CYP2U1: variants seen among roughly 807,000 people sequenced by gnomAD.
CYP2U1 encodes the protein cytochrome P450 family 2 subfamily U member 1, also known as cytochrome P450 2U1.
In CYP2U1, 28 loss-of-function variants were observed where a neutral mutation model predicts 42.8. The observed-to-expected ratio is 0.65, with a 90% CI of 0.48 to 0.90. The LOEUF is 0.90. Ranked by LOEUF, CYP2U1 falls within the 40% of genes least tolerant of loss-of-function variation. CYP2U1 has a pLI of 0.00. For missense variants in CYP2U1, 642 were observed against 693.8 expected, an observed-to-expected ratio of 0.93 and a Z score of 0.84; for synonymous variants, 296 against 278.9, an observed-to-expected ratio of 1.06 and a Z score of -0.61.
chr4:107,947,981 T>C (rs1291147094), intron 3 of CYP2U1, among the ~76,000 whole-genome samples: 1 of 152,124 alleles, frequency 6.6e-6, no homozygotes, highest in East Asian at 1.9e-4. Flanking sequence ...ATGAAATAAT[T>C]AGAAGGCCGG....
At position 107,950,335 on chromosome 4, in the gene CYP2U1, C is replaced by A. The variant is rs1324490576; in HGVS notation, c.1547C>A (p.Pro516His). The A allele has an allele frequency of 6.2e-7, 1 of 1,613,930 alleles. No individual in the cohort carries two copies. The highest frequency in any genetic ancestry group is 2.2e-5 in the East Asian group (1 of 44,876). The change falls in exon 5 of 5, where the codon CCT becomes CAT. Residue 516 changes from proline (P) to histidine (H), a missense_variant. By Grantham distance (77) the Pro-to-His change is moderately conservative. Transcript: ENST00000332884. ...SLMQSFAFAL[P>H]EDSKKPLLTG... is the part of the protein sequence containing the mutation. The stretch of plus-strand genomic sequence containing the variant: ...ATGCAGAGTTTCGCATTTGCTTTAC[C>A]TGAGGATTCTAAGAAGCCCCTCCTG...
chr4:107,948,818 C>T (rs1417971512), intron 3 of CYP2U1, among the ~76,000 whole-genome samples: 1 of 152,074 alleles, frequency 6.6e-6, no homozygotes, highest in African/African-American at 2.4e-5. Context: ...CATTGGATCA[C>T]TTAACGGGTT....
At chr4:107,935,975 G>A (rs953543099) in intron 1 of CYP2U1, 1 of 152,220 alleles carries the variant, frequency 6.6e-6, no homozygotes, top group African/African-American at 2.4e-5. Flanking sequence ...AGAAGGGTAT[G>A]TTTCATAACG....
In CYP2U1 at chr4:107,949,517, G is replaced by A. The variant is rs1413431434; in HGVS notation, c.1456G>A (p.Gly486Arg). 6 of 1,539,496 alleles carry A rather than the reference G, an allele frequency of 3.9e-6. No individual in the cohort carries two copies. Among genetic ancestry groups the A allele is most frequent in the Non-Finnish European group, 4.4e-6 (5 of 1,140,682 alleles). Residue 486 changes from glycine (G) to arginine (R), a missense_variant and splice_region_variant, in exon 4 of 5, where the codon GGG (glycine) becomes AGG (arginine). Gly to Arg is a moderately radical substitution (Grantham distance 125). Coordinates refer to ENST00000332884, the MANE Select transcript of CYP2U1 (RefSeq NM_183075.3). ...KKETFIPFGI[G>R]KRVCMGEQLA... ...AGAAACCTTTATTCCTTTTGGGATA[G>A]GTCAGTTACACTTTTTTAAACTGCA... is the stretch of plus-strand genomic sequence containing the variant.
chr4:107,950,527 C>A lies in CYP2U1; in HGVS notation c.*104C>A. 1 of 1,249,582 alleles carries A rather than the reference C, an allele frequency of 8.0e-7. No homozygotes were observed. Among genetic ancestry groups the A allele is most frequent in the Non-Finnish European group, 1.1e-6 (1 of 931,086 alleles). 77.4% of individuals were successfully genotyped at this position (1,249,582 alleles called of 1,614,324 possible). ...CAGTGAATCCAGCAACTCAGTGGAT[C>A]CAAGCTGGGCTCAGAGGTCGGAAGG... On this transcript the variant is annotated 3_prime_UTR_variant, in exon 5 of 5. Coordinates refer to ENST00000332884, the MANE Select transcript of CYP2U1 (RefSeq NM_183075.3).
At position 107,931,659 on chromosome 4, in the gene CYP2U1, C is replaced by T; in HGVS notation, c.16C>T (p.Pro6Ser). Residue 6 changes from proline to serine, a missense_variant, in exon 1 of 5, where the codon CCG becomes TCG. Pro to Ser is a moderately conservative substitution (Grantham distance 74). Transcript: ENST00000332884. MSSPG[P>S]SQPPAEDPPW... ...CGCCCGGACCATGTCGTCTCCGGGG[C>T]CGTCGCAGCCGCCGGCCGAGGACCC... 1 of 1,259,234 alleles carries T rather than the reference C, an allele frequency of 7.9e-7. No homozygotes were observed. Among genetic ancestry groups the T allele is most frequent in the Non-Finnish European group, 9.9e-7 (1 of 1,006,316 alleles). The allele number at this position is 1,259,234 out of a possible 1,614,324, so 78.0% of individuals were successfully genotyped here.
At chr4:107,943,107 C>T (rs1733555815) in intron 1 of CYP2U1, among the ~76,000 whole-genome samples, 1 of 152,062 alleles carries the variant, frequency 6.6e-6, no homozygotes, top group South Asian at 2.1e-4. Flanking sequence ...CTGCTCTGAC[C>T]CACTGGTAAC....
chr4:107,946,808 T>C (rs1578730878), intron 2 of CYP2U1, among the ~76,000 whole-genome samples: 1 of 152,060 alleles, frequency 6.6e-6, no homozygotes, highest in East Asian at 1.9e-4. Context: ...CCAAGTTCCT[T>C]ACCACTGTGA....
At chr4:107,944,464 C>T (rs1019712952) in intron 1 of CYP2U1, among the ~76,000 whole-genome samples, 5 of 147,886 alleles carry the variant, frequency 3.4e-5, no homozygotes, top group Non-Finnish European at 6.0e-5. Context: ...CCACCACACC[C>T]GGCTAATTTT....
intron 1 of CYP2U1, chr4:107,937,233 T>G (rs1733303699): frequency 6.6e-6 from 1 of 152,124 alleles, no homozygotes; most frequent in Non-Finnish European, 1.5e-5. Context: ...GAAATGAAGA[T>G]AAACAGAAAA....
intron 1 of CYP2U1, 124 bp downstream of exon 1, chr4:107,932,257 C>G: frequency 7.0e-7 from 1 of 1,423,258 alleles, no homozygotes; most frequent in Non-Finnish European, 9.2e-7. Context: ...ACACCTGCAT[C>G]CTGAACTAAC....
At chr4:107,947,571 G>GA in intron 3 of CYP2U1, 34 bp downstream of exon 3, 1 of 1,610,364 alleles carries the variant, frequency 6.2e-7, no homozygotes, top group Non-Finnish European at 8.5e-7. Context: ...GAATGCCCTT[G>GA]ACGGAAGCAG....
intron 3 of CYP2U1, among the ~76,000 whole-genome samples, chr4:107,949,024 A>AT (rs1169032948): frequency 6.6e-6 from 1 of 152,062 alleles, no homozygotes; most frequent in Non-Finnish European, 1.5e-5. Flanking sequence ...GGGAATTTTA[A>AT]TTTTTAGGGA....
Position 107,949,410 on chromosome 4 carries a change from A to G in CYP2U1, c.1349A>G (p.His450Arg), listed in dbSNP as rs1733830825. The G allele has an allele frequency of 1.2e-6, 2 of 1,611,260 alleles. No homozygotes were observed. The highest frequency in any genetic ancestry group is 1.3e-5 in the African/African-American group (1 of 74,816). The change falls in exon 4 of 5, where the codon CAT becomes CGT. Residue 450 changes from histidine (H) to arginine (R), a missense_variant. Coordinates refer to ENST00000332884, the MANE Select transcript of CYP2U1 (RefSeq NM_183075.3). The part of the protein sequence containing the change: ...TLILPNLWSV[H>R]RDPAIWEKPE... ...ATCTTACCCAACCTGTGGTCAGTAC[A>G]TAGAGACCCAGCCATTTGGGAGAAA... is the stretch of plus-strand genomic sequence containing the variant.
chr4:107,945,307 T>C lies in CYP2U1; in HGVS notation c.828T>C (p.Leu276=). 6.2e-7 allele frequency: 1 copy of C among 1,614,156 alleles called. No individual in the cohort carries two copies. Among genetic ancestry groups the C allele is most frequent in the Non-Finnish European group, 8.5e-7 (1 of 1,180,040 alleles). ...TCCTGGTCAACATATGCCCTTGGCT[T>C]TATTACCTTCCCTTTGGACCATTTA... The part of the protein sequence containing the change: ...QVLLVNICPW[L]YYLPFGPFKE... Residue 276 remains leucine, a synonymous_variant, in exon 2 of 5, where the codon CTT becomes CTC. Transcript: ENST00000332884.
intron 4 of CYP2U1, 80 bp downstream of exon 4, chr4:107,949,597 A>AAAAATGTTTAAATGTTTCTTT: frequency 6.4e-6 from 8 of 1,246,656 alleles, no homozygotes; most frequent in Non-Finnish European, 6.3e-6. Context: ...ATGTTGTTTT[A>AAAAATGTTTAAATGTTTCTTT]AAAATGTTTC....
At chr4:107,949,156 G>A (rs1463254170) in intron 3 of CYP2U1, among the ~76,000 whole-genome samples, 194 bp from the exon 4 acceptor site, 1 of 151,980 alleles carries the variant, frequency 6.6e-6, no homozygotes, top group Non-Finnish European at 1.5e-5. Flanking sequence ...GTCTCAGGTG[G>A]GTCCTGGAAT....
In CYP2U1 at chr4:107,932,171, C is replaced by T. The variant is rs749730084; in HGVS notation, c.490+38C>T. ...TCGTGGGCTGTGGGTACGCGGATGC[C>T]GCGGATGAGTCTCCAGGTGCGTGGG... On this transcript the variant is annotated intron_variant, in intron 1 of 4. Transcript: ENST00000332884. 73 of 1,575,822 alleles carry T rather than the reference C, an allele frequency of 4.6e-5. No individual in the cohort carries two copies. In the South Asian group the frequency reaches 8.4e-4, roughly 18 times the overall value.
intron 4 of CYP2U1, among the ~76,000 whole-genome samples, chr4:107,949,913 A>AT (rs1404848400): frequency 6.6e-6 from 1 of 152,058 alleles, no homozygotes; most frequent in Non-Finnish European, 1.5e-5. Context: ...TCTTATCTGA[A>AT]TTTTTTTGCC....
Sources: gnomAD v4.1 joint callset for allele counts (sites outside exome capture counted in the v4.1 genomes callset) on GRCh38, gnomAD v4.1.1 for gene constraint, MANE v1.5 for transcripts, NCBI Gene and HGNC (gene_info 2026-07-23, HGNC 2026-07-21) for gene names.